The following NETO2 variants were observed in gnomAD, a reference collection of about 807,000 sequenced individuals.
NETO2 encodes neuropilin and tolloid like 2.
In NETO2, 28 loss-of-function variants were observed where a neutral mutation model predicts 62.5. The observed-to-expected ratio is 0.45, with a 90% CI of 0.33 to 0.61. The LOEUF is 0.61. NETO2 is among the 20% of genes least tolerant of loss of function. The pLI is 0.02. For missense variants in NETO2, 548 were observed against 643.2 expected, an observed-to-expected ratio of 0.85 and a Z score of 1.60; for synonymous variants, 214 against 219.1, an observed-to-expected ratio of 0.98 and a Z score of 0.21.
At chr16:47,106,612 C>T (rs1215933925) in intron 7 of NETO2, among the ~76,000 whole-genome samples, 3 of 152,012 alleles carry the variant, frequency 2.0e-5, no homozygotes, top group African/African-American at 7.3e-5. Context: ...AAATGACATA[C>T]GCATAACATT....
At chr16:47,106,222 T>C (rs1963671039) in intron 7 of NETO2, among the ~76,000 whole-genome samples, 1 of 152,156 alleles carries the variant, frequency 6.6e-6, no homozygotes, top group Non-Finnish European at 1.5e-5. Context: ...ACAAATATTA[T>C]ATGATTCTAC....
At chr16:47,113,157 C>G (rs1386683422) in intron 6 of NETO2, among the ~76,000 whole-genome samples, 6 of 152,214 alleles carry the variant, frequency 3.9e-5, no homozygotes, top group Non-Finnish European at 8.8e-5. Context: ...TTTACCAGAG[C>G]ACATCCGAAA....
rs771729249 is a variant in NETO2 at position 47,128,451 on chromosome 16, C to T, written c.355G>A (p.Asp119Asn). Residue 119 changes from aspartate to asparagine, a missense_variant, in exon 4 of 9, where the codon GAT becomes AAT. Coordinates refer to ENST00000562435, the MANE Select transcript of NETO2 (RefSeq NM_018092.5). ...DGPFGFSPLI[D>N]RYCGVKSPPL... ...GGGCTTTTCACGCCACAGTAACGATCTATAAGAGGAGAGAAACCAAATGGC... is the reference window on the plus strand; with the variant it reads ...GGGCTTTTCACGCCACAGTAACGATTTATAAGAGGAGAGAAACCAAATGGC... 11 of 1,613,948 alleles carry T rather than the reference C, an allele frequency of 6.8e-6. No homozygotes were observed. The highest frequency in any genetic ancestry group is 9.3e-6 in the Non-Finnish European group (11 of 1,179,996).
intron 4 of NETO2, among the ~76,000 whole-genome samples, chr16:47,124,418 C>T (rs1273797177): frequency 6.6e-6 from 1 of 152,064 alleles, no homozygotes; most frequent in African/African-American, 2.4e-5. Flanking sequence ...AAGAGCCTCT[C>T]CCTCAGTAGA....
chr16:47,097,759 C>T (rs1258693612), intron 7 of NETO2, among the ~76,000 whole-genome samples: 2 of 152,216 alleles, frequency 1.3e-5, no homozygotes, highest in Non-Finnish European at 2.9e-5. Flanking sequence ...TCGACAGACA[C>T]CTCACACAGG....
At chr16:47,122,834 A>G in intron 5 of NETO2, 34 bp downstream of exon 5, 1 of 1,613,992 alleles carries the variant, frequency 6.2e-7, no homozygotes, top group Non-Finnish European at 8.5e-7. Context: ...ACTAATCAAA[A>G]ATGCCAAGAG....
rs1014609668 is a variant in NETO2, at chr16:47,082,921, C to T, written c.*300G>A. The T allele has an allele frequency of 6.6e-5, 19 of 287,624 alleles. No homozygotes were observed. The highest frequency in any genetic ancestry group is 1.2e-4 in the Non-Finnish European group (18 of 155,758). The allele number at this position is 287,624 out of a possible 1,614,324, so 17.8% of individuals were successfully genotyped here. On this transcript the variant is annotated 3_prime_UTR_variant, in exon 9 of 9. Coordinates refer to ENST00000562435, the MANE Select transcript of NETO2 (RefSeq NM_018092.5). ...TCTTGTTGCTAAAACGAAGAGGCAG[C>T]CTGAGCCTGGCTCCATCCAACCACC...
chr16:47,083,132 A>G lies in NETO2; in HGVS notation c.*89T>C, dbSNP rs897071831. On this transcript the variant is annotated 3_prime_UTR_variant, in exon 9 of 9. Transcript: ENST00000562435. ...TCAAGGTCTTCGTAGTTGTGATGGG[A>G]GAAAAGGGTTGGCTGCTGGAAACAG... 1.6e-5 allele frequency: 18 copies of G among 1,160,420 alleles called. No individual in the cohort carries two copies. In the African/African-American group the frequency reaches 2.6e-4, roughly 17 times the overall value. The allele number at this position is 1,160,420 out of a possible 1,614,324, so 71.9% of individuals were successfully genotyped here.
In NETO2 at chr16:47,093,896, A is replaced by G. The variant is rs138513272; in HGVS notation, c.884-7557T>C. 7.1e-3 allele frequency among the ~76,000 whole-genome samples: 1,080 copies of G among 152,376 alleles called. 14 individuals carry two copies. The highest frequency in any genetic ancestry group is 0.025 in the African/African-American group (1,035 of 41,588). On this transcript the variant is annotated intron_variant, in intron 7 of 8. Transcript: ENST00000562435. The stretch of plus-strand genomic sequence containing the variant: ...TGCACAAATCATACAGCTTACCATT[A>G]CACCATACTCATCAGTCAGGATATA...
chr16:47,099,530 G>T (rs1466960859), intron 7 of NETO2, among the ~76,000 whole-genome samples: 1 of 152,072 alleles, frequency 6.6e-6, no homozygotes, highest in Non-Finnish European at 1.5e-5. Flanking sequence ...ATTGGATAGA[G>T]TCAAGACCCA....
At chr16:47,126,321 G>A (rs1156515779) in intron 4 of NETO2, among the ~76,000 whole-genome samples, 2 of 152,122 alleles carry the variant, frequency 1.3e-5, no homozygotes, top group Admixed American at 1.3e-4. Context: ...TAAAAAATGA[G>A]CTATTAAGCC....
chr16:47,083,760 G>A lies in NETO2; in HGVS notation c.1039C>T (p.His347Tyr), dbSNP rs181648155. 54 of 1,607,270 alleles carry A rather than the reference G, an allele frequency of 3.4e-5. No homozygotes were observed. The Admixed American group carries it at 7.2e-4, about 21-fold the overall frequency. ...GAAGTAATGCCAATAATTGTTCCAT[G>A]AGTCTTAGTGATTTGTTCAAATACT... ...AGVFEQITKT[H>Y]GTIIGITSGI... The change falls in exon 9 of 9, where the codon CAT (histidine) becomes TAT (tyrosine). Residue 347 changes from histidine (H) to tyrosine (Y), a missense_variant. Transcript: ENST00000562435.
chr16:47,088,442 T>C (rs977072770), intron 7 of NETO2, among the ~76,000 whole-genome samples: 5 of 152,236 alleles, frequency 3.3e-5, no homozygotes, highest in African/African-American at 1.2e-4. Flanking sequence ...AAAATTATAA[T>C]TGGACAAAAT....
rs1963026558 is a variant in NETO2 at position 47,079,516 on chromosome 16, AC to A, written c.*3704del. ...AGACTGAGGCAGGAGAATAGCGTGA[AC>A]CCGGGAGGCGGAGCTTGCAGTGAGC... On this transcript the variant is annotated 3_prime_UTR_variant, in exon 9 of 9. Transcript: ENST00000562435. 1 of 151,164 alleles carries A rather than the reference AC, an allele frequency of 6.6e-6. No individual in the cohort carries two copies. Among genetic ancestry groups the A allele is most frequent in the African/African-American group, 2.4e-5 (1 of 41,022 alleles). The allele number at this position is 151,164 out of a possible 1,614,324, so 9.4% of individuals were successfully genotyped here. A position where few individuals can be genotyped will look rare whatever the true frequency, so the allele number is the denominator to read the frequency against.
chr16:47,098,432 T>C (rs942533936), intron 7 of NETO2, among the ~76,000 whole-genome samples: 7 of 152,070 alleles, frequency 4.6e-5, no homozygotes, highest in South Asian at 2.1e-4. Context: ...ATATCAGAGA[T>C]TGAAGATCAG....
chr16:47,133,241 T>G (rs1454165584), intron 1 of NETO2, among the ~76,000 whole-genome samples: 15 of 151,976 alleles, frequency 9.9e-5, no homozygotes. Flanking sequence ...GACCTTACAG[T>G]CCTTGAGCCC....
rs565116529 is a variant in NETO2 at position 47,085,659 on chromosome 16, C to T, written c.997+567G>A. 7.9e-4 allele frequency among the ~76,000 whole-genome samples: 120 copies of T among 151,516 alleles called. 1 individual carries two copies. Among genetic ancestry groups the T allele is most frequent in the Non-Finnish European group, 1.4e-3 (97 of 67,846 alleles). On this transcript the variant is annotated intron_variant, in intron 8 of 8. Coordinates refer to ENST00000562435, the MANE Select transcript of NETO2 (RefSeq NM_018092.5). ...TCAGCCTCCCAAAGTGCTGGGATTA[C>T]AGGCGTAAGCCACCGCGCCTGGCCA...
intron 1 of NETO2, among the ~76,000 whole-genome samples, chr16:47,140,671 A>T (rs536878966): frequency 6.6e-6 from 1 of 152,256 alleles, no homozygotes; most frequent in Non-Finnish European, 1.5e-5. Flanking sequence ...AAAGCCAAAA[A>T]GTTGATTTTT....
intron 7 of NETO2, 74 bp downstream of exon 7, chr16:47,109,409 G>A: frequency 1.1e-6 from 1 of 914,842 alleles, no homozygotes; most frequent in Non-Finnish European, 1.6e-6. Flanking sequence ...TTTTAAAAAA[G>A]TAAATGCTGA....
Sources: gnomAD v4.1 joint callset for allele counts (sites outside exome capture counted in the v4.1 genomes callset) on GRCh38, gnomAD v4.1.1 for gene constraint, MANE v1.5 for transcripts, NCBI Gene and HGNC (gene_info 2026-07-23, HGNC 2026-07-21) for gene names.